Variants in CENPE observed in about 807,000 individuals in gnomAD.
CENPE encodes the protein centromere-associated protein E.
In CENPE, 145 loss-of-function variants were observed where a neutral mutation model predicts 336.1. The ratio of observed to expected loss-of-function variants is 0.43; its 90% CI spans 0.38 to 0.50. The LOEUF (loss-of-function observed/expected upper bound fraction) is 0.50, where lower values mean the gene tolerates loss of function less well. Among genes scored for constraint, CENPE ranks in the 20% least tolerant of loss-of-function variants. The probability of loss-of-function intolerance (pLI) is 0.00; values close to 1 mark genes in which losing one functional copy is unlikely to be tolerated. For missense variants in CENPE, 2,719 were observed against 3,023.3 expected (o/e 0.90, Z 2.36); for synonymous variants, 1,013 against 984.8 (o/e 1.03, Z -0.54).
Position 103,177,012 on chromosome 4 carries a change from C to T in CENPE, c.1277G>A (p.Gly426Asp). ...TGAGTTCTTCATTTTGTTAATTTTG[C>T]CAAGGCACCAAGTAACTCTTCGTTT... ...KRKRRVTWCL[G>D]KINKMKNSNY... is the part of the protein sequence containing the mutation. The change falls in exon 14 of 49, where the codon GGC becomes GAC. Residue 426 changes from glycine to aspartate, a missense_variant. By Grantham distance (94) the Gly-to-Asp change is moderately conservative. Transcript: ENST00000265148. The T allele has an allele frequency of 6.2e-7, 1 of 1,608,120 alleles. No individual in the cohort carries two copies. The highest frequency in any genetic ancestry group is 1.1e-5 in the South Asian group (1 of 89,964).
intron 42 of CENPE, among the ~76,000 whole-genome samples, chr4:103,125,866 C>CAA (rs1314621341): frequency 2.9e-3 from 141 of 47,954 alleles, no homozygotes; most frequent in African/African-American, 8.9e-3. Context: ...GACTCCATCT[C>CAA]AAAAAAAAAA....
chr4:103,157,076 A>C (rs866680431), intron 24 of CENPE, among the ~76,000 whole-genome samples: 1,605 of 151,734 alleles, frequency 0.011, 25 homozygotes, highest in African/African-American at 0.033. Context: ...AAAAAAAAAA[A>C]AAAACAGAAA....
intron 39 of CENPE, among the ~76,000 whole-genome samples, chr4:103,137,164 C>T (rs911116817): frequency 1.3e-5 from 2 of 150,342 alleles, no homozygotes; most frequent in African/African-American, 4.9e-5. Context: ...AGCTGTGTAA[C>T]CTTGGGCAAC....
At chr4:103,186,850 T>C (rs2126034544) in intron 8 of CENPE, among the ~76,000 whole-genome samples, 1 of 152,180 alleles carries the variant, frequency 6.6e-6, no homozygotes, top group East Asian at 1.9e-4. Context: ...AGGAAGCTGG[T>C]CCCAAAAAGA....
Position 103,110,919 on chromosome 4 carries a change from A to C in CENPE, c.7633T>G (p.Leu2545Val). The change falls in exon 47 of 49, where the codon TTG becomes GTG. Residue 2545 changes from leucine to valine, a missense_variant. Around this residue, in one of 5 missense-constraint regions of CENPE, gnomAD observed 2,437 missense variants for 2,513.3 expected, o/e 0.97. Coordinates refer to ENST00000265148, the MANE Select transcript of CENPE (RefSeq NM_001813.3). ...GIVQNTKALILKSEHIRLEKE... is the reference protein window; with the variant it reads ...GIVQNTKALIVKSEHIRLEKE... Reference sequence around the variant, plus strand: ...TCTAGCCTTATATGTTCACTTTTCAAAATAAGAGCTTTTGTGTTTTGTACA... The same window carrying C: ...TCTAGCCTTATATGTTCACTTTTCACAATAAGAGCTTTTGTGTTTTGTACA... 1 of 1,612,662 alleles carries C rather than the reference A, an allele frequency of 6.2e-7. No individual in the cohort carries two copies. Among genetic ancestry groups the C allele is most frequent in the Non-Finnish European group, 8.5e-7 (1 of 1,179,366 alleles).
intron 8 of CENPE, among the ~76,000 whole-genome samples, chr4:103,188,297 A>G (rs1027338713): frequency 6.6e-6 from 1 of 152,226 alleles, no homozygotes; most frequent in Non-Finnish European, 1.5e-5. Context: ...AAGCAGACCT[A>G]ATAGACATCT....
chr4:103,195,040 T>A, intron 5 of CENPE, 74 bp downstream of exon 5: 2 of 1,328,352 alleles, frequency 1.5e-6, no homozygotes, highest in Non-Finnish European at 2.0e-6. Context: ...CTATAGAAAT[T>A]AAAGGTAAAC....
chr4:103,127,676 T>C (rs1353114563), intron 42 of CENPE, among the ~76,000 whole-genome samples: 2 of 152,194 alleles, frequency 1.3e-5, no homozygotes. Context: ...AAGGTACTTA[T>C]ATTATCTGTG....
At chr4:103,194,898 T>C (rs1044460910) in intron 5 of CENPE, among the ~76,000 whole-genome samples, 3 of 152,038 alleles carry the variant, frequency 2.0e-5, no homozygotes, top group African/African-American at 7.2e-5. Flanking sequence ...TACTTCCAAC[T>C]TGCTATTTTT....
chr4:103,116,758 G>T, intron 44 of CENPE, 69 bp from the exon 45 acceptor site: 1 of 766,002 alleles, frequency 1.3e-6, no homozygotes, highest in South Asian at 1.8e-5. Flanking sequence ...TGTAAAGAAT[G>T]GTTAGCTGTC....
intron 10 of CENPE, 108 bp from the exon 11 acceptor site, chr4:103,182,999 G>A: frequency 1.7e-6 from 2 of 1,183,936 alleles, no homozygotes; most frequent in Non-Finnish European, 2.4e-6. Context: ...TCAAAAATTA[G>A]TTTACAAGTT....
chr4:103,150,220 A>G (rs1280790914), intron 26 of CENPE, among the ~76,000 whole-genome samples: 6 of 152,208 alleles, frequency 3.9e-5, no homozygotes, highest in Non-Finnish European at 5.9e-5. Context: ...TGAAATAGAC[A>G]TAAGGTTTTA....
rs771351572 is a variant in CENPE, at chr4:103,158,991, A to C, written c.2601+19T>G. On this transcript the variant is annotated intron_variant, in intron 22 of 48. Transcript: ENST00000265148. The stretch of plus-strand genomic sequence containing the variant: ...CAGAAGACTAAGGAGCATTTCTCAA[A>C]ATAGCATCTTGTACCAACCTCGGTC... 6.5e-7 allele frequency: 1 copy of C among 1,531,720 alleles called. No homozygotes were observed. The highest frequency in any genetic ancestry group is 1.3e-5 in the South Asian group (1 of 74,452). The allele number at this position is 1,531,720 out of a possible 1,614,324, so 94.9% of individuals were successfully genotyped here.
rs770080658 is a variant in CENPE at position 103,145,693 on chromosome 4, G to A, written c.4414-12C>T. 1.9e-6 allele frequency: 3 copies of A among 1,563,040 alleles called. No homozygotes were observed. Among genetic ancestry groups the A allele is most frequent in the Middle Eastern group, 1.7e-4 (1 of 5,798 alleles). On this transcript the variant is annotated splice_polypyrimidine_tract_variant and intron_variant, in intron 30 of 48. Coordinates refer to ENST00000265148, the MANE Select transcript of CENPE (RefSeq NM_001813.3). The stretch of plus-strand genomic sequence containing the variant: ...TCAGTTTCCAGGTGCTTTATTATTA[G>A]AGGAAATTCCAATAAATTTATAGAA...
chr4:103,163,483 A>T lies in CENPE; in HGVS notation c.1718T>A (p.Leu573His). ...AATACCAACATGAATGCTCACCTCA[A>T]GATCTTGATTATATACTTCTGCATG... ...VKHAEVYNQD[L>H]ENELSSKVEL... The change falls in exon 17 of 49, where the codon CTT (leucine) becomes CAT (histidine). Residue 573 changes from leucine (L) to histidine (H), a missense_variant. Leu to His is a moderately conservative substitution (Grantham distance 99, BLOSUM62 -3). Around this residue, in one of 5 missense-constraint regions of CENPE, gnomAD observed 2,437 missense variants for 2,513.3 expected, o/e 0.97. Transcript: ENST00000265148. 1 of 1,589,988 alleles carries T rather than the reference A, an allele frequency of 6.3e-7. No homozygotes were observed. Among genetic ancestry groups the T allele is most frequent in the African/African-American group, 1.4e-5 (1 of 74,072 alleles).
At chr4:103,153,667 A>C (rs1753742669) in intron 24 of CENPE, among the ~76,000 whole-genome samples, 1 of 152,206 alleles carries the variant, frequency 6.6e-6, no homozygotes, top group South Asian at 2.1e-4. Flanking sequence ...ATCTGCCTTT[A>C]GTTTGTACAC....
In CENPE at chr4:103,109,080, C is replaced by T; in HGVS notation, c.7734G>A (p.Gln2578=). 1 of 1,606,044 alleles carries T rather than the reference C, an allele frequency of 6.2e-7. No homozygotes were observed. Among genetic ancestry groups the T allele is most frequent in the Non-Finnish European group, 8.5e-7 (1 of 1,176,536 alleles). The part of the protein sequence containing the change: ...KQKNELLSNN[Q]HLSNEVKTWK... ...AAGTTTTGACCTCATTGGAAAGATG[C>T]TGATTATTGCTTAAATGTGGGGGAA... The change falls in exon 48 of 49, where the codon CAG becomes CAA. Residue 2578 remains glutamine (Q), a synonymous_variant. Coordinates refer to ENST00000265148, the MANE Select transcript of CENPE (RefSeq NM_001813.3).
intron 28 of CENPE, among the ~76,000 whole-genome samples, chr4:103,148,344 C>G (rs1753239866): frequency 6.6e-6 from 1 of 152,108 alleles, no homozygotes; most frequent in Admixed American, 6.6e-5. Context: ...CTCAATTTTT[C>G]TATGTGTATA....
In CENPE at chr4:103,137,320, G is replaced by A. The variant is rs1472443916; in HGVS notation, c.6304-961C>T. Among the ~76,000 whole-genome samples the A allele has an allele frequency of 2.6e-5, 4 of 152,096 alleles. 1 individual carries two copies. ...GGACCCATAGACTCAAGTGACTTGA[G>A]GCTATGCAGGTGACACACTGGTCAG... On this transcript the variant is annotated intron_variant, in intron 39 of 48. Coordinates refer to ENST00000265148, the MANE Select transcript of CENPE (RefSeq NM_001813.3).
Sources: allele counts gnomAD v4.1 joint callset (sites outside exome capture counted in the v4.1 genomes callset), GRCh38; gene constraint gnomAD v4.1.1; regional missense constraint gnomAD v4.1.1; transcripts MANE v1.5; gene names NCBI Gene and HGNC (gene_info 2026-07-23, HGNC 2026-07-21).